Variants in DAPK1 observed in about 807,000 individuals in gnomAD.
DAPK1 encodes the protein death-associated protein kinase 1.
A neutral mutation model predicts 144.9 loss-of-function variants in DAPK1; 56 were observed. The ratio of observed to expected loss-of-function variants is 0.39; its 90% CI spans 0.31 to 0.48. The LOEUF (loss-of-function observed/expected upper bound fraction) is 0.48, where lower values mean the gene tolerates loss of function less well. DAPK1 is among the 20% of genes least tolerant of loss of function. The pLI, the probability that DAPK1 is intolerant of heterozygous loss-of-function variation, is 0.95. For synonymous variants in DAPK1, 690 were observed against 749.0 expected, an observed-to-expected ratio of 0.92 and a Z score of 1.29; for missense variants, 1,454 against 1,875.4, an observed-to-expected ratio of 0.78 and a Z score of 4.15.
At chr9:87,594,863 G>A (rs1828260959) in intron 2 of DAPK1, among the ~76,000 whole-genome samples, 1 of 152,186 alleles carries the variant, frequency 6.6e-6, no homozygotes, top group Non-Finnish European at 1.5e-5. Flanking sequence ...GGCCTGAGGA[G>A]GTGGGTGGCC....
At chr9:87,580,437 C>A (rs36204766) in intron 2 of DAPK1, among the ~76,000 whole-genome samples, 1 of 152,228 alleles carries the variant, frequency 6.6e-6, no homozygotes, top group Non-Finnish European at 1.5e-5. Flanking sequence ...GTTCCCAGTG[C>A]AAAGCAATCT....
At chr9:87,584,063 T>C (rs1226688324) in intron 2 of DAPK1, among the ~76,000 whole-genome samples, 1 of 152,236 alleles carries the variant, frequency 6.6e-6, no homozygotes, top group Non-Finnish European at 1.5e-5. Flanking sequence ...TTTTTTTAAA[T>C]TGACAGATAA....
At chr9:87,521,152 A>G (rs966837108) in intron 2 of DAPK1, among the ~76,000 whole-genome samples, 11 of 152,350 alleles carry the variant, frequency 7.2e-5, no homozygotes, top group Admixed American at 2.0e-4. Flanking sequence ...AGTGCTAGCT[A>G]TGTTTTAAGC....
intron 2 of DAPK1, among the ~76,000 whole-genome samples, chr9:87,551,560 A>G (rs1306570541): frequency 6.6e-6 from 1 of 152,194 alleles, no homozygotes; most frequent in East Asian, 1.9e-4. Context: ...GTTGGGGAGA[A>G]GGTCCTGTTC....
intron 17 of DAPK1, among the ~76,000 whole-genome samples, chr9:87,655,841 G>A (rs923976563): frequency 1.3e-5 from 2 of 152,188 alleles, no homozygotes; most frequent in African/African-American, 2.4e-5. Context: ...CAGAAGGCAC[G>A]CTGTGCACAC....
intron 1 of DAPK1, 59 bp downstream of exon 1, chr9:87,498,166 C>A (rs978853876): frequency 3.8e-5 from 15 of 396,724 alleles, no homozygotes; most frequent in Non-Finnish European, 5.8e-5. Flanking sequence ...CTTTTGCTTT[C>A]CCAGCCAGGG....
At chr9:87,592,056 G>C (rs1484354645) in intron 2 of DAPK1, among the ~76,000 whole-genome samples, 1 of 152,186 alleles carries the variant, frequency 6.6e-6, no homozygotes, top group East Asian at 1.9e-4. Context: ...TGCTGAGCAT[G>C]GTGGATTCTT....
chr9:87,626,610 C>T (rs187913465), intron 3 of DAPK1, among the ~76,000 whole-genome samples: 234 of 152,252 alleles, frequency 1.5e-3, no homozygotes, highest in African/African-American at 5.3e-3. Context: ...CCTGTCACAT[C>T]CTCGGAGTAG....
intron 2 of DAPK1, among the ~76,000 whole-genome samples, chr9:87,571,012 C>CA (rs1827310710): frequency 6.6e-6 from 1 of 152,004 alleles, no homozygotes; most frequent in Non-Finnish European, 1.5e-5. Flanking sequence ...GACTGGAACA[C>CA]GAGCTTTTTG....
At chr9:87,541,744 C>G (rs1314022315) in intron 2 of DAPK1, among the ~76,000 whole-genome samples, 1 of 152,100 alleles carries the variant, frequency 6.6e-6, no homozygotes, top group Non-Finnish European at 1.5e-5. Context: ...CTCAAAGATA[C>G]GTTTTCATGA....
intron 3 of DAPK1, chr9:87,633,194 T>A (rs1829773718): frequency 1.5e-5 from 15 of 982,652 alleles, no homozygotes; most frequent in African/African-American, 1.8e-5. Flanking sequence ...TCAGTATATA[T>A]GTAGGGATGA....
Position 87,708,175 on chromosome 9 carries a change from T to C in DAPK1, c.*811T>C. 2 of 256,476 alleles carry C rather than the reference T, an allele frequency of 7.8e-6. No homozygotes were observed. Among genetic ancestry groups the C allele is most frequent in the Non-Finnish European group, 1.5e-5 (2 of 130,354 alleles). The allele number at this position is 256,476 out of a possible 1,614,324, so 15.9% of individuals were successfully genotyped here. On this transcript the variant is annotated 3_prime_UTR_variant, in exon 26 of 26. Transcript: ENST00000408954. The stretch of plus-strand genomic sequence containing the variant: ...TCCAATGTCAATGTGAACGTCCACA[T>C]GAAACCTACACACTGTCATGCTTCA...
chr9:87,612,408 C>T (rs900355703), intron 3 of DAPK1, among the ~76,000 whole-genome samples: 5 of 152,158 alleles, frequency 3.3e-5, no homozygotes, highest in South Asian at 2.1e-4. Flanking sequence ...AGCATCTATA[C>T]GCCAAGGAAC....
At chr9:87,512,098 A>G (rs764382871) in intron 2 of DAPK1, among the ~76,000 whole-genome samples, 3 of 152,068 alleles carry the variant, frequency 2.0e-5, no homozygotes, top group East Asian at 1.9e-4. Flanking sequence ...AGGTCTTGCT[A>G]TGTTACCCAG....
chr9:87,518,157 G>T (rs1825148753), intron 2 of DAPK1, among the ~76,000 whole-genome samples: 1 of 146,128 alleles, frequency 6.8e-6, no homozygotes, highest in South Asian at 2.3e-4. Flanking sequence ...TATCACCCAG[G>T]CTGAAGTGCA....
intron 15 of DAPK1, 34 bp downstream of exon 15, chr9:87,648,913 T>A: frequency 6.4e-7 from 1 of 1,563,278 alleles, no homozygotes; most frequent in African/African-American, 1.4e-5. Flanking sequence ...CTTCCTCTGC[T>A]CTATACATGA....
chr9:87,666,599 G>A (rs1166679561), intron 18 of DAPK1, among the ~76,000 whole-genome samples: 2 of 151,320 alleles, frequency 1.3e-5, no homozygotes, highest in Admixed American at 6.6e-5. Context: ...TCAGCCTCCT[G>A]AGTATCTGGA....
At chr9:87,682,242 G>A (rs1403595322) in intron 20 of DAPK1, among the ~76,000 whole-genome samples, 3 of 152,160 alleles carry the variant, frequency 2.0e-5, no homozygotes, top group Admixed American at 6.5e-5. Context: ...GCTGCCTTCC[G>A]GGCCTTCCAC....
intron 2 of DAPK1, among the ~76,000 whole-genome samples, chr9:87,515,088 G>A (rs1824997572): frequency 6.6e-6 from 1 of 152,190 alleles, no homozygotes; most frequent in Non-Finnish European, 1.5e-5. Flanking sequence ...CAAGCACCAT[G>A]TGCATCTTTT....
Sources: allele counts gnomAD v4.1 joint callset (sites outside exome capture counted in the v4.1 genomes callset), GRCh38; gene constraint gnomAD v4.1.1; transcripts MANE v1.5; gene names NCBI Gene and HGNC (gene_info 2026-07-23, HGNC 2026-07-21).